PPIP5K2: variants seen among roughly 807,000 people sequenced by gnomAD.
PPIP5K2 encodes the protein inositol hexakisphosphate and diphosphoinositol-pentakisphosphate kinase 2.
PPIP5K2 carries 105 observed loss-of-function variants against 154.6 expected under a neutral mutation model. The observed-to-expected ratio is 0.68, with a 90% CI of 0.58 to 0.80. The LOEUF (loss-of-function observed/expected upper bound fraction) is 0.80, where lower values mean the gene tolerates loss of function less well. Among genes scored for constraint, PPIP5K2 ranks in the 30% least tolerant of loss-of-function variants. The pLI, the probability that PPIP5K2 is intolerant of heterozygous loss-of-function variation, is 0.00. For synonymous variants in PPIP5K2, 480 were observed against 490.3 expected (o/e 0.98, Z 0.28); for missense variants, 992 against 1,504.6 (o/e 0.66, Z 5.64).
chr5:103,164,494 T>C (rs2149653415), intron 17 of PPIP5K2, among the ~76,000 whole-genome samples: 1 of 152,194 alleles, frequency 6.6e-6, no homozygotes, highest in Admixed American at 6.6e-5. Context: ...ATGTGCACCC[T>C]AGGCCGTATA....
chr5:103,177,517 G>A, intron 21 of PPIP5K2, 150 bp from the exon 22 acceptor site: 1 of 528,078 alleles, frequency 1.9e-6, no homozygotes, highest in Non-Finnish European at 3.3e-6. Context: ...ACTTTTAAAT[G>A]TAGTGGAATT....
rs376209596 is a variant in PPIP5K2 at position 103,154,959 on chromosome 5, A to G, written c.1403+16A>G. On this transcript the variant is annotated intron_variant, in intron 13 of 30. Transcript: ENST00000358359. ...TATTAGAGATGTGAGTATCTTTTTGAAACGCTTAATTGTGGTACTACATAT... is the reference window on the plus strand; with the variant it reads ...TATTAGAGATGTGAGTATCTTTTTGGAACGCTTAATTGTGGTACTACATAT... 5 of 1,490,012 alleles carry G rather than the reference A, an allele frequency of 3.4e-6. No individual in the cohort carries two copies. In the East Asian group the frequency reaches 9.1e-5, roughly 27 times the overall value. 92.3% of individuals were successfully genotyped at this position (1,490,012 alleles called of 1,614,324 possible).
intron 7 of PPIP5K2, chr5:103,148,249 A>T (rs2149546630): frequency 1.8e-6 from 1 of 562,596 alleles, no homozygotes; most frequent in Admixed American, 2.8e-5. Flanking sequence ...AACATGTAAG[A>T]TTATGATGGA....
chr5:103,196,882 G>C (rs1412845218), intron 30 of PPIP5K2, among the ~76,000 whole-genome samples: 1 of 152,072 alleles, frequency 6.6e-6, no homozygotes, highest in Non-Finnish European at 1.5e-5. Flanking sequence ...GCATGTCACT[G>C]TCTGGGATAA....
rs146081937 is a variant in PPIP5K2, at chr5:103,131,550, T to C, written c.114+1847T>C. On this transcript the variant is annotated intron_variant, in intron 2 of 30. Coordinates refer to ENST00000358359, the MANE Select transcript of PPIP5K2 (RefSeq NM_001276277.3). ...GTATCACAATTTATTTTATTATTAC[T>C]GTGTTCCCTGTTAAGGACAGGTAAT... Among the ~76,000 whole-genome samples, 12 of 152,270 alleles carry C rather than the reference T, an allele frequency of 7.9e-5. No individual in the cohort carries two copies. The East Asian group carries it at 2.1e-3, about 27-fold the overall frequency.
At chr5:103,152,530 T>G in intron 9 of PPIP5K2, 118 bp from the exon 10 acceptor site, 1 of 604,822 alleles carries the variant, frequency 1.7e-6, no homozygotes, top group East Asian at 3.0e-5. Flanking sequence ...GTGGGTTATC[T>G]TTTATGTGAT....
intron 7 of PPIP5K2, 76 bp from the exon 8 acceptor site, chr5:103,149,076 A>G (rs1554210330): frequency 8.9e-7 from 1 of 1,122,326 alleles, no homozygotes; most frequent in Non-Finnish European, 1.2e-6. Flanking sequence ...TTTTCATTGT[A>G]TTTGTTGTCT....
At chr5:103,200,914 A>G (rs1802881053) in intron 30 of PPIP5K2, among the ~76,000 whole-genome samples, 1 of 152,160 alleles carries the variant, frequency 6.6e-6, no homozygotes, top group Non-Finnish European at 1.5e-5. Flanking sequence ...TTGGGATTAC[A>G]GGCATGAATC....
intron 6 of PPIP5K2, among the ~76,000 whole-genome samples, chr5:103,147,504 A>C (rs1309545404): frequency 2.0e-5 from 3 of 152,008 alleles, no homozygotes; most frequent in South Asian, 2.1e-4. Flanking sequence ...ACACTCATAC[A>C]TGTTTGCCGT....
At chr5:103,133,065 C>T (rs1454945799) in intron 2 of PPIP5K2, among the ~76,000 whole-genome samples, 1 of 152,154 alleles carries the variant, frequency 6.6e-6, no homozygotes, top group Non-Finnish European at 1.5e-5. Flanking sequence ...CTATGTCTTA[C>T]TTTAGGCAAG....
chr5:103,183,205 T>TCCCC, intron 24 of PPIP5K2, 29 bp from the exon 25 acceptor site: 1 of 968,160 alleles, frequency 1.0e-6, no homozygotes. Context: ...TTTTTTTTTT[T>TCCCC]TTTTTTTTGC....
intron 5 of PPIP5K2, among the ~76,000 whole-genome samples, chr5:103,142,661 A>C (rs1554207553): frequency 6.6e-6 from 1 of 152,098 alleles, no homozygotes. Flanking sequence ...CTGTAGTCCC[A>C]GCTACTCGGG....
chr5:103,141,143 C>T (rs1792557160), intron 5 of PPIP5K2, among the ~76,000 whole-genome samples: 4 of 152,144 alleles, frequency 2.6e-5, no homozygotes, highest in Admixed American at 2.0e-4. Context: ...ACCATCCTAG[C>T]TAACGTGGTG....
In PPIP5K2 at chr5:103,210,499, G is replaced by A. The variant is rs1803746437; in HGVS notation, c.*8865G>A. On this transcript the variant is annotated 3_prime_UTR_variant, in exon 31 of 31. Transcript: ENST00000358359. ...GGATAGAATAAGGAGCTGGGAGAAA[G>A]GAGACCTGGGTATTAATCTCAGCTC... is the stretch of plus-strand genomic sequence containing the variant. 1 of 152,036 alleles carries A rather than the reference G, an allele frequency of 6.6e-6. No homozygotes were observed. Among genetic ancestry groups the A allele is most frequent in the Non-Finnish European group, 1.5e-5 (1 of 67,974 alleles). 9.4% of individuals were successfully genotyped at this position (152,036 alleles called of 1,614,324 possible).
In PPIP5K2 at chr5:103,180,023, T is replaced by C; in HGVS notation, c.2757T>C (p.Asn919=). 1.3e-6 allele frequency: 2 copies of C among 1,520,770 alleles called. No homozygotes were observed. Among genetic ancestry groups the C allele is most frequent in the Non-Finnish European group, 1.8e-6 (2 of 1,136,634 alleles). The allele number at this position is 1,520,770 out of a possible 1,614,324, so 94.2% of individuals were successfully genotyped here. A position where few individuals can be genotyped will look rare whatever the true frequency, so the allele number is the denominator to read the frequency against. The change falls in exon 24 of 31, where the codon AAT becomes AAC. Residue 919 remains asparagine, a splice_region_variant and synonymous_variant. Coordinates refer to ENST00000358359, the MANE Select transcript of PPIP5K2 (RefSeq NM_001276277.3). ...GYGYRPASRE[N]EGRRPFKIDN... ...TGTTTTATATTCTTTGCTCACAGAA[T>C]GAAGGCAGGAGACCTTTTAAAATTG...
chr5:103,191,611 A>G (rs1554226968), intron 29 of PPIP5K2, among the ~76,000 whole-genome samples: 1 of 152,136 alleles, frequency 6.6e-6, no homozygotes, highest in Admixed American at 6.5e-5. Flanking sequence ...AGAAAGCTGT[A>G]TAACCCAGAT....
chr5:103,180,838 AG>A (rs1418909710), intron 24 of PPIP5K2, among the ~76,000 whole-genome samples: 1 of 150,582 alleles, frequency 6.6e-6, no homozygotes, highest in Non-Finnish European at 1.5e-5. Flanking sequence ...CAACAGAGCA[AG>A]ACTCTCCCCA....
At chr5:103,190,763 G>C in intron 28 of PPIP5K2, 79 bp from the exon 29 acceptor site, 1 of 1,323,132 alleles carries the variant, frequency 7.6e-7, no homozygotes. Context: ...CCAGTTCTAA[G>C]CAGTAGTCTT....
At position 103,187,531 on chromosome 5, in the gene PPIP5K2, G is replaced by A. The variant is rs535906258; in HGVS notation, c.3352+155G>A. ...CAACTTGTTATTCACCCAAATTATT[G>A]ATACTGTCTAGCTCCCTTTTCAGCT... On this transcript the variant is annotated intron_variant, in intron 28 of 30. Coordinates refer to ENST00000358359, the MANE Select transcript of PPIP5K2 (RefSeq NM_001276277.3). Among the ~76,000 whole-genome samples the A allele has an allele frequency of 4.9e-4, 75 of 151,928 alleles. 1 individual carries two copies. The highest frequency in any genetic ancestry group is 9.4e-4 in the Non-Finnish European group (64 of 67,974).
Sources: allele counts gnomAD v4.1 joint callset (sites outside exome capture counted in the v4.1 genomes callset), GRCh38; gene constraint gnomAD v4.1.1; transcripts MANE v1.5; gene names NCBI Gene and HGNC (gene_info 2026-07-23, HGNC 2026-07-21).